CC2D2A: variants seen among roughly 807,000 people sequenced by gnomAD.
The protein encoded by CC2D2A is coiled-coil and C2 domain containing 2A, also known as coiled-coil and C2 domain-containing protein 2A.
CC2D2A carries 155 observed loss-of-function variants against 212.9 expected under a neutral mutation model. The ratio of observed to expected loss-of-function variants is 0.73; its 90% confidence interval spans 0.64 to 0.83. The LOEUF (loss-of-function observed/expected upper bound fraction) is 0.83. Among genes scored for constraint, CC2D2A ranks in the 40% least tolerant of loss-of-function variants. The pLI is 0.00. For missense variants in CC2D2A, 1,856 were observed against 1,956.2 expected, an observed-to-expected ratio of 0.95 and a Z score of 0.97; for synonymous variants, 667 against 686.5, an observed-to-expected ratio of 0.97 and a Z score of 0.44.
At chr4:15,483,050 G>A (rs1015843970) in intron 4 of CC2D2A, among the ~76,000 whole-genome samples, 5 of 152,200 alleles carry the variant, frequency 3.3e-5, no homozygotes, top group South Asian at 2.1e-4. Flanking sequence ...AAACCAAGAC[G>A]AAGAGAAAAC....
chr4:15,539,340 C>G (rs1295305496), intron 16 of CC2D2A, among the ~76,000 whole-genome samples: 1 of 152,044 alleles, frequency 6.6e-6, no homozygotes, highest in Non-Finnish European at 1.5e-5. Flanking sequence ...ACCACAAAAT[C>G]CCAGGCTTAG....
At chr4:15,542,093 A>G (rs1718484854) in intron 17 of CC2D2A, among the ~76,000 whole-genome samples, 1 of 152,116 alleles carries the variant, frequency 6.6e-6, no homozygotes, top group African/African-American at 2.4e-5. Context: ...TTTGTCGCTT[A>G]TAAGAACACT....
rs1577406383 is a variant in CC2D2A at position 15,599,574 on chromosome 4, C to T, written c.4542C>T (p.Arg1514=). Residue 1514 remains arginine, a synonymous_variant, in exon 36 of 37, where the codon CGC becomes CGT. Transcript: ENST00000424120. ...LKEKIMDWRP[R]HLTRWNRYCT... ...AAAAAATCATGGACTGGAGGCCACG[C>T]CATCTGACTCGGTGGAATAGGTATT... 2 of 1,599,596 alleles carry T rather than the reference C, an allele frequency of 1.3e-6. No individual in the cohort carries two copies. Among genetic ancestry groups the T allele is most frequent in the East Asian group, 4.5e-5 (2 of 44,598 alleles).
intron 17 of CC2D2A, among the ~76,000 whole-genome samples, chr4:15,545,472 G>A (rs1718662849): frequency 6.6e-6 from 1 of 152,080 alleles, no homozygotes; most frequent in African/African-American, 2.4e-5. Flanking sequence ...GTCCAGCTAG[G>A]ATATAAGGGA....
At chr4:15,573,444 C>T (rs1226916349) in intron 28 of CC2D2A, among the ~76,000 whole-genome samples, 1 of 152,194 alleles carries the variant, frequency 6.6e-6, no homozygotes, top group Non-Finnish European at 1.5e-5. Context: ...GCGTGTGCCA[C>T]CACACCTGGC....
At chr4:15,543,021 G>A (rs749013560) in intron 17 of CC2D2A, among the ~76,000 whole-genome samples, 9 of 152,268 alleles carry the variant, frequency 5.9e-5, no homozygotes, top group South Asian at 4.1e-4. Flanking sequence ...TGAAAGGGCC[G>A]GCACTGGGCA....
Position 15,514,640 on chromosome 4 carries a change from TG to T in CC2D2A, c.718-66del, listed in dbSNP as rs1716754938. The T allele has an allele frequency of 3.2e-6, 4 of 1,253,336 alleles. No individual in the cohort carries two copies. The Admixed American group carries it at 1.1e-4, about 33-fold the overall frequency. The allele number at this position is 1,253,336 out of a possible 1,614,324, so 77.6% of individuals were successfully genotyped here. Reference sequence around the variant, plus strand: ...ATGTTAAGTTTCATGAGTTTGGTATTGTGAATTATTTTTCTAACTAAGAATC... The same window carrying T: ...ATGTTAAGTTTCATGAGTTTGGTATTTGAATTATTTTTCTAACTAAGAATC... On this transcript the variant is annotated intron_variant, in intron 8 of 36. Transcript: ENST00000424120.
intron 13 of CC2D2A, among the ~76,000 whole-genome samples, chr4:15,531,812 C>G (rs1717864043): frequency 6.6e-6 from 1 of 151,898 alleles, no homozygotes; most frequent in Non-Finnish European, 1.5e-5. Context: ...TATCAGAAAG[C>G]CTGAAGATGT....
Position 15,567,480 on chromosome 4 carries a change from C to T in CC2D2A, c.3286C>T (p.Gln1096Ter), listed in dbSNP as rs1405621709. ...PTHNADYPLG[Q>*]VLVRPFVEVS... is the part of the protein sequence containing the mutation. ...CCACAATGCTGACTACCCCCTCGGC[C>T]AGGTGAGAGATGCTGGACTTCAGCT... The change falls in exon 25 of 37, where the codon CAG becomes TAG. Residue 1096 changes from glutamine (Q) to a stop codon, truncating the protein, a stop_gained and splice_region_variant. Transcript: ENST00000424120. LOFTEE classifies it high-confidence loss of function. The T allele has an allele frequency of 6.2e-7, 1 of 1,611,724 alleles. No homozygotes were observed. Among genetic ancestry groups the T allele is most frequent in the Non-Finnish European group, 8.5e-7 (1 of 1,178,816 alleles).
Position 15,571,980 on chromosome 4 carries a change from C to A in CC2D2A, c.3594+1484C>A, listed in dbSNP as rs1720189511. ...ACCCACTACCTTCTGAGGCAGTTTGCTCTCTTCCCAATAGCTCTGTCATAA... is the reference window on the plus strand; with the variant it reads ...ACCCACTACCTTCTGAGGCAGTTTGATCTCTTCCCAATAGCTCTGTCATAA... On this transcript the variant is annotated intron_variant, in intron 28 of 36. Transcript: ENST00000424120. Among the ~76,000 whole-genome samples, 4 of 152,274 alleles carry A rather than the reference C, an allele frequency of 2.6e-5. No individual in the cohort carries two copies. The South Asian group carries it at 8.3e-4, about 32-fold the overall frequency.
intron 33 of CC2D2A, 117 bp downstream of exon 33, chr4:15,589,796 TATAC>T (rs1467613175): frequency 9.4e-5 from 26 of 277,668 alleles, no homozygotes; most frequent in South Asian, 1.8e-4. Context: ...TATATATATA[TATAC>T]ACACATATAT....
chr4:15,600,218 A>C (rs952533624), intron 36 of CC2D2A, among the ~76,000 whole-genome samples: 2 of 152,248 alleles, frequency 1.3e-5, no homozygotes, highest in Admixed American at 6.5e-5. Flanking sequence ...GTCAAATTAG[A>C]TCACTCACTG....
chr4:15,521,492 T>A (rs1717200574), intron 11 of CC2D2A, among the ~76,000 whole-genome samples: 1 of 152,094 alleles, frequency 6.6e-6, no homozygotes, highest in Middle Eastern at 3.2e-3. Flanking sequence ...AAAAAAAAAA[T>A]TAAATGCCTA....
chr4:15,541,368 T>C (rs1330103465), intron 17 of CC2D2A, among the ~76,000 whole-genome samples: 1 of 152,032 alleles, frequency 6.6e-6, no homozygotes, highest in African/African-American at 2.4e-5. Flanking sequence ...ACTGCCCCAA[T>C]AATTTTTTGT....
intron 23 of CC2D2A, among the ~76,000 whole-genome samples, chr4:15,562,694 G>T (rs1246642037): frequency 6.6e-6 from 1 of 152,198 alleles, no homozygotes; most frequent in South Asian, 2.1e-4. Flanking sequence ...CAAAGAAGTA[G>T]GTATCATTAT....
intron 20 of CC2D2A, among the ~76,000 whole-genome samples, chr4:15,557,032 G>T (rs1719313465): frequency 6.6e-6 from 1 of 152,110 alleles, no homozygotes; most frequent in South Asian, 2.1e-4. Flanking sequence ...TCCTTTTTCA[G>T]TCTGTATATT....
chr4:15,501,273 T>C (rs1202010143), intron 4 of CC2D2A, among the ~76,000 whole-genome samples: 1 of 152,138 alleles, frequency 6.6e-6, no homozygotes, highest in African/African-American at 2.4e-5. Flanking sequence ...CTAGGCTCTA[T>C]TGTATTTTCC....
chr4:15,496,903 G>C (rs1474985588), intron 4 of CC2D2A, among the ~76,000 whole-genome samples: 1 of 152,140 alleles, frequency 6.6e-6, no homozygotes, highest in Non-Finnish European at 1.5e-5. Flanking sequence ...ACTGCTGAAA[G>C]AAATCAGAGA....
rs544695755 is a variant in CC2D2A, at chr4:15,575,655, G to A, written c.3771+1329G>A. Among the ~76,000 whole-genome samples the A allele has an allele frequency of 7.8e-4, 118 of 152,126 alleles. 6 individuals are homozygous for A. The highest frequency in any genetic ancestry group is 1.0e-4 in the Non-Finnish European group (7 of 68,030). On this transcript the variant is annotated intron_variant, in intron 29 of 36. Coordinates refer to ENST00000424120, the MANE Select transcript of CC2D2A (RefSeq NM_001378615.1). ...CACTATCTCCCATCTGCAATGCACT[G>A]AAATTTAAATTAATTGTATATTTTG... is the stretch of plus-strand genomic sequence containing the variant.
Sources: gnomAD v4.1 joint callset for allele counts (sites outside exome capture counted in the v4.1 genomes callset) on GRCh38, gnomAD v4.1.1 for gene constraint, MANE v1.5 for transcripts, NCBI Gene and HGNC (gene_info 2026-07-23, HGNC 2026-07-21) for gene names.